The following CERS3 variants were observed in gnomAD, a reference collection of about 807,000 sequenced individuals.
The protein encoded by CERS3 is LAG1 homolog, ceramide synthase 3.
A neutral mutation model predicts 50.3 loss-of-function variants in CERS3; 33 were observed. The observed-to-expected ratio is 0.66, with a 90% CI of 0.50 to 0.88. The LOEUF is 0.88. Among genes scored for constraint, CERS3 ranks in the 40% least tolerant of loss-of-function variants. The pLI, the probability that CERS3 is intolerant of heterozygous loss-of-function variation, is 0.00. For missense variants in CERS3, 470 were observed against 460.3 expected, an observed-to-expected ratio of 1.02 and a Z score of -0.19; for synonymous variants, 176 against 155.2, an observed-to-expected ratio of 1.13 and a Z score of -0.99.
At chr15:100,430,171 T>G (rs11633782) in intron 11 of CERS3, among the ~76,000 whole-genome samples, 4 of 150,836 alleles carry the variant, frequency 2.7e-5, no homozygotes, top group East Asian at 2.0e-4. Context: ...AGTTAGCCAG[T>G]TGTGGTGGGG....
chr15:100,488,803 A>G (rs1270185635), intron 4 of CERS3, among the ~76,000 whole-genome samples: 1 of 143,750 alleles, frequency 7.0e-6, no homozygotes, highest in East Asian at 2.0e-4. Context: ...TTTTAGATGG[A>G]GTCTCACTCT....
intron 2 of CERS3, among the ~76,000 whole-genome samples, chr15:100,509,909 A>G (rs530327242): frequency 1.3e-5 from 2 of 152,184 alleles, no homozygotes; most frequent in East Asian, 3.9e-4. Flanking sequence ...TCTAAAAACA[A>G]CTTCATTTTT....
chr15:100,408,125 G>C (rs1037527764), intron 11 of CERS3, among the ~76,000 whole-genome samples: 1 of 152,178 alleles, frequency 6.6e-6, no homozygotes, highest in African/African-American at 2.4e-5. Context: ...ACCCACCCTG[G>C]CCTCCCAAAG....
At chr15:100,524,989 A>G (rs1393510749) in intron 1 of CERS3, among the ~76,000 whole-genome samples, 2 of 152,232 alleles carry the variant, frequency 1.3e-5, no homozygotes, top group Non-Finnish European at 2.9e-5. Context: ...TATAGTAAGT[A>G]AAAGTGGTTT....
chr15:100,465,063 A>C (rs969812402), intron 10 of CERS3, among the ~76,000 whole-genome samples: 1 of 152,136 alleles, frequency 6.6e-6, no homozygotes, highest in African/African-American at 2.4e-5. Context: ...TCTCCTTCTC[A>C]AGGCTTCCAG....
At chr15:100,454,521 A>T (rs2034294139) in intron 11 of CERS3, among the ~76,000 whole-genome samples, 1 of 152,146 alleles carries the variant, frequency 6.6e-6, no homozygotes, top group African/African-American at 2.4e-5. Context: ...TTGAAACTAG[A>T]TCTCTGTCTC....
At chr15:100,538,839 A>G (rs937776622) in intron 1 of CERS3, among the ~76,000 whole-genome samples, 1 of 152,178 alleles carries the variant, frequency 6.6e-6, no homozygotes. Context: ...TTTCTTTTCC[A>G]TTGAATCATC....
chr15:100,466,588 C>T (rs2034723613), intron 10 of CERS3, among the ~76,000 whole-genome samples: 1 of 152,052 alleles, frequency 6.6e-6, no homozygotes. Context: ...TCTTGAAATG[C>T]TCACCCTTGA....
chr15:100,435,622 T>C (rs1388582056), intron 11 of CERS3, among the ~76,000 whole-genome samples: 4 of 152,086 alleles, frequency 2.6e-5, no homozygotes, highest in South Asian at 4.1e-4. Context: ...AATTGACAAA[T>C]GGGATCTAAT....
intron 11 of CERS3, among the ~76,000 whole-genome samples, chr15:100,454,584 C>G (rs1400030071): frequency 1.3e-5 from 2 of 151,918 alleles, no homozygotes; most frequent in African/African-American, 4.8e-5. Flanking sequence ...AATATAAGAT[C>G]CCAAAATATA....
In CERS3 at chr15:100,427,837, C is replaced by T. The variant is rs141056588; in HGVS notation, c.1000-24972G>A. On this transcript the variant is annotated intron_variant, in intron 11 of 11. Coordinates refer to ENST00000679737, the MANE Select transcript of CERS3 (RefSeq NM_001378789.1). ...CAAACTCAGATTCTGTGCTTCCTGC[C>T]GAGAGACAGGTGAAGGTGGCCACCC... 4.6e-3 allele frequency among the ~76,000 whole-genome samples: 699 copies of T among 152,218 alleles called. 5 individuals are homozygous for T. Among genetic ancestry groups the T allele is most frequent in the African/African-American group, 0.015 (609 of 41,516 alleles).
chr15:100,483,583 T>C (rs2654637), intron 5 of CERS3, among the ~76,000 whole-genome samples: 118,645 of 151,424 alleles, frequency 0.78, 48,177 homozygotes, highest in East Asian at 0.93. Context: ...AGGTAAGCAT[T>C]AGGTGCCAGG....
At chr15:100,533,766 G>C (rs1424981100), upstream of CERS3, among the ~76,000 whole-genome samples, 1 of 151,986 alleles carries the variant, frequency 6.6e-6, no homozygotes, top group East Asian at 1.9e-4. Context: ...CACCCTGTTA[G>C]CCAGGATGGT....
intron 4 of CERS3, among the ~76,000 whole-genome samples, chr15:100,486,664 T>C (rs903508675): frequency 3.9e-5 from 6 of 152,194 alleles, no homozygotes; most frequent in African/African-American, 1.4e-4. Flanking sequence ...GCAGGACATA[T>C]TCTGGCATGC....
At chr15:100,425,583 T>C (rs1214216348) in intron 11 of CERS3, among the ~76,000 whole-genome samples, 1 of 152,172 alleles carries the variant, frequency 6.6e-6, no homozygotes, top group East Asian at 1.9e-4. Flanking sequence ...TATACCCCCA[T>C]TGTGTCTTGG....
intron 2 of CERS3, among the ~76,000 whole-genome samples, chr15:100,513,135 T>A (rs963040614): frequency 6.6e-6 from 1 of 152,156 alleles, no homozygotes; most frequent in Non-Finnish European, 1.5e-5. Flanking sequence ...AAGATGTGTT[T>A]CTCTTGGCTC....
At chr15:100,536,474 A>G (rs976265323) in intron 1 of CERS3, among the ~76,000 whole-genome samples, 1 of 152,108 alleles carries the variant, frequency 6.6e-6, no homozygotes, top group African/African-American at 2.4e-5. Flanking sequence ...TTGTAGAGAC[A>G]AGGTTTCACC....
intron 10 of CERS3, among the ~76,000 whole-genome samples, chr15:100,467,524 C>T (rs938179545): frequency 6.6e-6 from 1 of 151,850 alleles, no homozygotes; most frequent in African/African-American, 2.4e-5. Context: ...AATATATATT[C>T]TCTGGCCTTT....
At chr15:100,533,856 C>G (rs1048701980), upstream of CERS3, among the ~76,000 whole-genome samples, 10 of 152,216 alleles carry the variant, frequency 6.6e-5, no homozygotes, top group Non-Finnish European at 1.2e-4. Flanking sequence ...CCATGACCAG[C>G]CCACTGGGTT....
Sources: allele counts gnomAD v4.1 joint callset (sites outside exome capture counted in the v4.1 genomes callset), GRCh38; gene constraint gnomAD v4.1.1; transcripts MANE v1.5; gene names NCBI Gene and HGNC (gene_info 2026-07-23, HGNC 2026-07-21).